Variants in LRRFIP1 observed in about 807,000 individuals in gnomAD.
LRRFIP1 encodes the protein leucine-rich repeat flightless-interacting protein 1.
Under a neutral mutation model 104.4 loss-of-function variants are expected in LRRFIP1, and 62 were observed. The ratio of observed to expected loss-of-function variants is 0.59; its 90% confidence interval spans 0.48 to 0.73. The LOEUF is 0.73. Ranked by LOEUF, LRRFIP1 falls within the 30% of genes least tolerant of loss-of-function variation. The pLI is 0.00. For synonymous variants in LRRFIP1, 300 were observed against 299.0 expected (o/e 1.00, Z -0.03); for missense variants, 796 against 824.5 (o/e 0.97, Z 0.42).
chr2:237,663,415 C>T (rs1436400551), intron 1 of LRRFIP1, among the ~76,000 whole-genome samples: 2 of 69,948 alleles, frequency 2.9e-5, no homozygotes, highest in African/African-American at 4.0e-5. Context: ...TAAAACAAAC[C>T]CGGGGAGTTC....
intron 8 of LRRFIP1, among the ~76,000 whole-genome samples, chr2:237,730,196 C>T (rs963559229): frequency 6.6e-5 from 10 of 152,144 alleles, no homozygotes; most frequent in African/African-American, 2.4e-4. Flanking sequence ...GAAAACAGAA[C>T]TACTTTGAAG....
intron 13 of LRRFIP1, 141 bp downstream of exon 13, chr2:237,749,465 T>G (rs891170127): frequency 3.0e-6 from 3 of 1,006,892 alleles, no homozygotes; most frequent in Non-Finnish European, 4.3e-6. Flanking sequence ...TAAAATACGG[T>G]GTTCTCCTAA....
At chr2:237,744,557 A>G (rs2057551101) in intron 11 of LRRFIP1, among the ~76,000 whole-genome samples, 1 of 152,262 alleles carries the variant, frequency 6.6e-6, no homozygotes, top group African/African-American at 2.4e-5. Flanking sequence ...GTTGGAATTA[A>G]TAAAATATTT....
chr2:237,736,072 T>C (rs1292810277), intron 10 of LRRFIP1, among the ~76,000 whole-genome samples: 4 of 152,238 alleles, frequency 2.6e-5, no homozygotes, highest in Non-Finnish European at 5.9e-5. Flanking sequence ...AATGCTTTTA[T>C]AATTTTGCTT....
chr2:237,682,169 G>A (rs796743396), intron 1 of LRRFIP1, among the ~76,000 whole-genome samples: 10 of 152,324 alleles, frequency 6.6e-5, no homozygotes, highest in African/African-American at 2.4e-4. Flanking sequence ...GATGTAAATT[G>A]TAATTCTAGA....
At chr2:237,715,649 T>C (rs2094300842) in intron 3 of LRRFIP1, among the ~76,000 whole-genome samples, 1 of 152,226 alleles carries the variant, frequency 6.6e-6, no homozygotes, top group Non-Finnish European at 1.5e-5. Context: ...TCCTCATTGC[T>C]GAGATGTCTG....
rs189795164 is a variant in LRRFIP1, at chr2:237,722,442, G to A, written c.346-1106G>A. ...CCATTGCAATATGAACGAGTATTAC[G>A]GTGTTATGTAACAGCATTCATTTCA... On this transcript the variant is annotated intron_variant, in intron 6 of 23. Coordinates refer to ENST00000308482, the MANE Select transcript of LRRFIP1 (RefSeq NM_001137550.2). 3.0e-3 allele frequency among the ~76,000 whole-genome samples: 458 copies of A among 152,182 alleles called. 1 individual carries two copies. The highest frequency in any genetic ancestry group is 5.4e-3 in the Non-Finnish European group (365 of 67,990).
intron 15 of LRRFIP1, among the ~76,000 whole-genome samples, chr2:237,755,134 T>A (rs2059116251): frequency 6.6e-6 from 1 of 152,090 alleles, no homozygotes; most frequent in Admixed American, 6.5e-5. Context: ...GTGAGTTGGG[T>A]CTCAGGCCGT....
At chr2:237,767,790 C>T (rs1224160140) in intron 19 of LRRFIP1, among the ~76,000 whole-genome samples, 1 of 152,148 alleles carries the variant, frequency 6.6e-6, no homozygotes, top group East Asian at 1.9e-4. Flanking sequence ...CCCTGTACAG[C>T]GTACCACCCG....
chr2:237,750,866 A>G (rs1453392218), intron 13 of LRRFIP1, among the ~76,000 whole-genome samples: 2 of 152,204 alleles, frequency 1.3e-5, no homozygotes, highest in Non-Finnish European at 2.9e-5. Context: ...TACATTGCAC[A>G]GAGTAGGAAC....
chr2:237,659,595 T>C (rs1032401933), intron 1 of LRRFIP1, among the ~76,000 whole-genome samples: 12 of 148,230 alleles, frequency 8.1e-5, no homozygotes, highest in African/African-American at 2.7e-4. Flanking sequence ...ATATTATATA[T>C]GTTTATAATA....
chr2:237,739,255 C>G lies in LRRFIP1; in HGVS notation c.579C>G (p.Leu193=). 6.4e-7 allele frequency: 1 copy of G among 1,565,886 alleles called. No individual in the cohort carries two copies. Among genetic ancestry groups the G allele is most frequent in the Non-Finnish European group, 8.7e-7 (1 of 1,155,492 alleles). Residue 193 remains leucine, a synonymous_variant, in exon 11 of 24, where the codon CTC becomes CTG. Coordinates refer to ENST00000308482, the MANE Select transcript of LRRFIP1 (RefSeq NM_001137550.2). ...SRAPSEYSGH[L]NSSSRASSRA... is the part of the protein sequence containing the mutation. The stretch of plus-strand genomic sequence containing the variant: ...AGCCCTCGGAGTACAGCGGCCACCT[C>G]AACTCCAGCTCCCGCGCCTCCTCCA...
chr2:237,691,100 G>T lies in LRRFIP1; in HGVS notation c.97-17444G>T, dbSNP rs1166324346. On this transcript the variant is annotated intron_variant, in intron 1 of 23. Transcript: ENST00000308482. This position sits in a 1 kb window ranked among gnomAD's most constrained non-coding sequence, Gnocchi z 5.4. ...TGAGTGCTCACAGGCGCGAGCTCAC[G>T]TTACCAAGTTGGGTCAGCGTGCAGA... is the stretch of plus-strand genomic sequence containing the variant. Among the ~76,000 whole-genome samples, 3 of 151,682 alleles carry T rather than the reference G, an allele frequency of 2.0e-5. No homozygotes were observed. The East Asian group carries it at 5.8e-4, about 29-fold the overall frequency.
In LRRFIP1 at chr2:237,687,726, C is replaced by T. The variant is rs56203686; in HGVS notation, c.97-20818C>T. ...TGTCATGAGTATGGCTAGTGATTCA[C>T]GTTCATGAAAAACAGATGTTAGGGC... On this transcript the variant is annotated intron_variant, in intron 1 of 23. Transcript: ENST00000308482. Among the ~76,000 whole-genome samples, 1,311 of 152,072 alleles carry T rather than the reference C, an allele frequency of 8.6e-3. 9 individuals carry two copies. The highest frequency in any genetic ancestry group is 0.012 in the Non-Finnish European group (818 of 67,998).
At position 237,775,549 on chromosome 2, in the gene LRRFIP1, G is replaced by A. The variant is rs537034921; in HGVS notation, c.1812+1087G>A. Reference sequence around the variant, plus strand: ...GATTTATGTTTCAATAGGATCACTCGGGCCGGGCGCGGTGGCTCACGCCTA... The same window carrying A: ...GATTTATGTTTCAATAGGATCACTCAGGCCGGGCGCGGTGGCTCACGCCTA... On this transcript the variant is annotated intron_variant, in intron 23 of 23. Transcript: ENST00000308482. 6.6e-5 allele frequency among the ~76,000 whole-genome samples: 10 copies of A among 152,326 alleles called. No homozygotes were observed. In the South Asian group the frequency reaches 8.3e-4, roughly 13 times the overall value.
rs373701676 is a variant in LRRFIP1, at chr2:237,711,951, T to C, written c.184-2308T>C. ...GGTGCCTTCATGAATTTCGGGTCTTTGCAAGGCGGCAGCATTCCTGTTTAA... is the reference window on the plus strand; with the variant it reads ...GGTGCCTTCATGAATTTCGGGTCTTCGCAAGGCGGCAGCATTCCTGTTTAA... On this transcript the variant is annotated intron_variant, in intron 2 of 23. Coordinates refer to ENST00000308482, the MANE Select transcript of LRRFIP1 (RefSeq NM_001137550.2). This position sits in a 1 kb window ranked among gnomAD's most constrained non-coding sequence, Gnocchi z 4.4. Among the ~76,000 whole-genome samples the C allele has an allele frequency of 3.2e-4, 48 of 152,326 alleles. 1 individual carries two copies. Among genetic ancestry groups the C allele is most frequent in the African/African-American group, 1.1e-3 (44 of 41,580 alleles).
chr2:237,632,076 C>T (rs1026672683), intron 1 of LRRFIP1, among the ~76,000 whole-genome samples: 1 of 152,004 alleles, frequency 6.6e-6, no homozygotes, highest in African/African-American at 2.4e-5. Flanking sequence ...ACAGCCACCG[C>T]CTTTCACTTG....
intron 6 of LRRFIP1, 38 bp from the exon 7 acceptor site, chr2:237,723,510 G>C: frequency 6.2e-7 from 1 of 1,609,074 alleles, no homozygotes; most frequent in South Asian, 1.1e-5. Flanking sequence ...AACTCTCTTT[G>C]CTGTTGTTTT....
At chr2:237,684,790 T>C (rs938278585) in intron 1 of LRRFIP1, among the ~76,000 whole-genome samples, 1 of 152,060 alleles carries the variant, frequency 6.6e-6, no homozygotes, top group Non-Finnish European at 1.5e-5. Context: ...ATTGTCTTCA[T>C]GAAAAACAAA....
Sources: allele counts gnomAD v4.1 joint callset (sites outside exome capture counted in the v4.1 genomes callset), GRCh38; gene constraint gnomAD v4.1.1; non-coding constraint Gnocchi (gnomAD v3.1); transcripts MANE v1.5; gene names NCBI Gene and HGNC (gene_info 2026-07-23, HGNC 2026-07-21).